CDH22: variants seen among roughly 807,000 people sequenced by gnomAD.
CDH22 encodes cadherin-22.
In CDH22, 30 loss-of-function variants were observed where a neutral mutation model predicts 58.4. That is an observed-to-expected ratio of 0.51 (90% confidence interval 0.38 to 0.70). The LOEUF (loss-of-function observed/expected upper bound fraction) is 0.70, where lower values mean the gene tolerates loss of function less well. Among genes scored for constraint, CDH22 ranks in the 30% least tolerant of loss-of-function variants. The probability of loss-of-function intolerance (pLI) is 0.00; values close to 1 mark genes in which losing one functional copy is unlikely to be tolerated. For synonymous variants in CDH22, 513 were observed against 558.2 expected (o/e 0.92, Z 1.14); for missense variants, 1,014 against 1,233.9 (o/e 0.82, Z 2.67).
chr20:46,243,821 T>C (rs1036674093), intron 2 of CDH22, among the ~76,000 whole-genome samples: 1 of 152,210 alleles, frequency 6.6e-6, no homozygotes, highest in Non-Finnish European at 1.5e-5. Context: ...GCTTAACAGC[T>C]ATAATCTTAC....
intron 1 of CDH22, among the ~76,000 whole-genome samples, chr20:46,269,333 C>G (rs1270005304): frequency 6.6e-6 from 1 of 152,048 alleles, no homozygotes; most frequent in Non-Finnish European, 1.5e-5. Flanking sequence ...GGAGAGAGGC[C>G]CAGAGAGGGG....
chr20:46,208,137 G>C (rs17381738), intron 7 of CDH22, among the ~76,000 whole-genome samples: 4,346 of 152,298 alleles, frequency 0.029, 78 homozygotes, highest in Non-Finnish European at 0.047. Flanking sequence ...TCATTGAATA[G>C]GTACAGGGGT....
chr20:46,195,159 G>T (rs546601648), intron 8 of CDH22, among the ~76,000 whole-genome samples: 1 of 152,304 alleles, frequency 6.6e-6, no homozygotes, highest in African/African-American at 2.4e-5. Flanking sequence ...CACCCAACTG[G>T]GAACCATGCG....
At chr20:46,223,956 C>T (rs2086152414) in intron 4 of CDH22, among the ~76,000 whole-genome samples, 1 of 151,920 alleles carries the variant, frequency 6.6e-6, no homozygotes, top group Non-Finnish European at 1.5e-5. Flanking sequence ...TGGGTTCAGG[C>T]AATTCTCCTG....
chr20:46,237,262 A>G (rs1008523649), intron 3 of CDH22, among the ~76,000 whole-genome samples: 33 of 152,212 alleles, frequency 2.2e-4, no homozygotes, highest in African/African-American at 8.0e-4. Flanking sequence ...ACTTGGCTGC[A>G]TCAGGCTTAA....
At chr20:46,234,148 A>G (rs950244244) in intron 3 of CDH22, among the ~76,000 whole-genome samples, 10 of 152,232 alleles carry the variant, frequency 6.6e-5, no homozygotes, top group Non-Finnish European at 1.3e-4. Flanking sequence ...CTTGAGCCTC[A>G]GTTTCCATAG....
At position 46,213,196 on chromosome 20, in the gene CDH22, G is replaced by T. The variant is rs1173164599; in HGVS notation, c.839-8C>A. The T allele has an allele frequency of 1.2e-6, 2 of 1,613,654 alleles. No individual in the cohort carries two copies. Among genetic ancestry groups the T allele is most frequent in the East Asian group, 4.5e-5 (2 of 44,874 alleles). On this transcript the variant is annotated splice_region_variant and splice_polypyrimidine_tract_variant and intron_variant, in intron 5 of 11. Transcript: ENST00000537909. ...TGCTGAACTGGTACATCTCTGTGGG[G>T]GACACGGCCATGAGCAGGGATGAAG... is the stretch of plus-strand genomic sequence containing the variant.
At chr20:46,215,964 G>A (rs1384270863) in intron 5 of CDH22, among the ~76,000 whole-genome samples, 1 of 152,196 alleles carries the variant, frequency 6.6e-6, no homozygotes, top group Non-Finnish European at 1.5e-5. Context: ...CTCTGTGTCT[G>A]AGCTGAGGCT....
chr20:46,306,532 G>A (rs1485914134), intron 1 of CDH22, among the ~76,000 whole-genome samples: 1 of 152,220 alleles, frequency 6.6e-6, no homozygotes, highest in Non-Finnish European at 1.5e-5. Flanking sequence ...GGACCGGGAA[G>A]GGCACACAGA....
chr20:46,199,887 T>C (rs1035385297), intron 7 of CDH22, among the ~76,000 whole-genome samples: 2 of 152,332 alleles, frequency 1.3e-5, no homozygotes, highest in East Asian at 3.9e-4. Flanking sequence ...TGATACTCTC[T>C]TCTTTCTTTT....
rs35160313 is a variant in CDH22 at position 46,257,012 on chromosome 20, G to GAA, written c.-399-5321_-399-5320dup. Among the ~76,000 whole-genome samples, 255 of 136,258 alleles carry GAA rather than the reference G, an allele frequency of 1.9e-3. 1 individual carries two copies. The highest frequency in any genetic ancestry group is 2.1e-3 in the Non-Finnish European group (134 of 63,002). The allele number at this position is 136,258 out of a possible 152,430, so 89.4% of individuals were successfully genotyped here. On this transcript the variant is annotated intron_variant, in intron 1 of 11. Coordinates refer to ENST00000537909, the MANE Select transcript of CDH22 (RefSeq NM_021248.3). ...ACAGAGTGAGACCCTGTCTCTAAAA[G>GAA]AAAAAAAAAAAAAGGCCAGGCATGG...
intron 3 of CDH22, among the ~76,000 whole-genome samples, chr20:46,237,558 T>C (rs145345776): frequency 1.2e-3 from 181 of 152,266 alleles, no homozygotes; most frequent in African/African-American, 4.2e-3. Context: ...CCCCTTCAAA[T>C]AGTTGCTCAA....
At chr20:46,258,323 G>C (rs1282239842) in intron 1 of CDH22, among the ~76,000 whole-genome samples, 1 of 152,078 alleles carries the variant, frequency 6.6e-6, no homozygotes, top group Non-Finnish European at 1.5e-5. Context: ...AGTAGAGATG[G>C]CTCAAGACTG....
Position 46,234,332 on chromosome 20 carries a change from G to A in CDH22, c.550+6631C>T, listed in dbSNP as rs556587777. On this transcript the variant is annotated intron_variant, in intron 3 of 11. Coordinates refer to ENST00000537909, the MANE Select transcript of CDH22 (RefSeq NM_021248.3). ...CCAAGGAACTCAGGTTCTGGTTTCC[G>A]CTTCTGGGTCTAGTTCTGGCTTCAG... is the stretch of plus-strand genomic sequence containing the variant. Among the ~76,000 whole-genome samples the A allele has an allele frequency of 4.6e-5, 7 of 152,350 alleles. No individual in the cohort carries two copies. In the South Asian group the frequency reaches 6.2e-4, roughly 14 times the overall value.
intron 3 of CDH22, 152 bp downstream of exon 3, chr20:46,240,811 G>A (rs1249784846): frequency 2.8e-5 from 19 of 681,948 alleles, no homozygotes; most frequent in Non-Finnish European, 4.4e-5. Context: ...GACCCCAGGG[G>A]GCACCTGAGC....
chr20:46,188,312 G>A (rs771164379), intron 8 of CDH22, among the ~76,000 whole-genome samples: 7 of 152,122 alleles, frequency 4.6e-5, no homozygotes, highest in Non-Finnish European at 8.8e-5. Flanking sequence ...TTCCAGCTCT[G>A]CTGTTTTATG....
intron 1 of CDH22, among the ~76,000 whole-genome samples, chr20:46,256,843 A>T (rs948230905): frequency 2.0e-4 from 31 of 152,118 alleles, no homozygotes; most frequent in Admixed American, 1.8e-3. Flanking sequence ...TCTACAAAAA[A>T]CTATTTAAAA....
intron 2 of CDH22, among the ~76,000 whole-genome samples, chr20:46,247,976 G>A (rs561459566): frequency 6.6e-6 from 1 of 152,284 alleles, no homozygotes; most frequent in East Asian, 1.9e-4. Context: ...AACAGAAAGG[G>A]CCCTGGGCCC....
intron 8 of CDH22, among the ~76,000 whole-genome samples, chr20:46,197,182 G>A (rs1258537370): frequency 6.6e-6 from 1 of 151,998 alleles, no homozygotes; most frequent in East Asian, 1.9e-4. Flanking sequence ...CACATCTTTG[G>A]CAAGCAAGTT....
Sources: allele counts gnomAD v4.1 joint callset (sites outside exome capture counted in the v4.1 genomes callset), GRCh38; gene constraint gnomAD v4.1.1; transcripts MANE v1.5; gene names NCBI Gene and HGNC (gene_info 2026-07-23, HGNC 2026-07-21).